The following AMZ1 variants were observed in gnomAD, a reference collection of about 807,000 sequenced individuals.
AMZ1 encodes archaemetzincin-1.
A neutral mutation model predicts 29.9 loss-of-function variants in AMZ1; 39 were observed. The observed-to-expected ratio is 1.30, with a 90% CI of 1.01 to 1.70. The LOEUF (loss-of-function observed/expected upper bound fraction) is 1.70. Among genes scored for constraint, AMZ1 ranks in the 40% most tolerant of loss-of-function variants. The probability of loss-of-function intolerance (pLI) is 0.00; values close to 1 mark genes in which losing one functional copy is unlikely to be tolerated. For synonymous variants in AMZ1, 458 were observed against 304.0 expected (o/e 1.51, Z -5.27); for missense variants, 1,041 against 680.6 (o/e 1.53, Z -5.89).
Position 2,712,496 on chromosome 7 carries a change from C to G in AMZ1, c.1115C>G (p.Ala372Gly). The change falls in exon 7 of 7, where the codon GCC becomes GGC. Residue 372 changes from alanine (A) to glycine (G), a missense_variant. Ala to Gly is a moderately conservative substitution (Grantham distance 60). Transcript: ENST00000683327. ...GTGTCGGAGCCCCTCACCCCTGATG[C>G]CGGGAGTCACACCTTCGCCTCGGGG... ...TSVSEPLTPDAGSHTFASGPE... is the reference protein window; with the variant it reads ...TSVSEPLTPDGGSHTFASGPE... 1 of 1,609,082 alleles carries G rather than the reference C, an allele frequency of 6.2e-7. No individual in the cohort carries two copies. Among genetic ancestry groups the G allele is most frequent in the South Asian group, 1.1e-5 (1 of 90,654 alleles).
chr7:2,681,754 C>T (rs1479683896), intron 1 of AMZ1, among the ~76,000 whole-genome samples: 4 of 152,128 alleles, frequency 2.6e-5, no homozygotes, highest in African/African-American at 9.7e-5. Flanking sequence ...TCCTGGGGCC[C>T]CTGACTACAC....
At chr7:2,760,949 C>G (rs1467254884), upstream of AMZ1, among the ~76,000 whole-genome samples, 4 of 152,230 alleles carry the variant, frequency 2.6e-5, no homozygotes, top group East Asian at 3.8e-4. Flanking sequence ...CCAGCTCCCC[C>G]TGTCCTTCCC....
rs1789144177 is a variant in AMZ1 at position 2,716,734 on chromosome 7, C to T, written c.*3856C>T. ...CCAAGGCCCACCTGGACAGGCAAGT[C>T]TTCCCTAGTGGGTCAGTCAACTCCA... On this transcript the variant is annotated 3_prime_UTR_variant, in exon 7 of 7. Transcript: ENST00000683327. Among the ~76,000 whole-genome samples the T allele has an allele frequency of 6.6e-6, 1 of 152,262 alleles. No individual in the cohort carries two copies. The highest frequency in any genetic ancestry group is 6.5e-5 in the Admixed American group (1 of 15,288).
chr7:2,701,865 C>G (rs73283151), intron 2 of AMZ1, among the ~76,000 whole-genome samples: 1 of 152,202 alleles, frequency 6.6e-6, no homozygotes, highest in African/African-American at 2.4e-5. Flanking sequence ...GCATCCACCA[C>G]CCCACAGCAG....
rs959825969 is a variant in AMZ1 at position 2,716,533 on chromosome 7, C to T, written c.*3655C>T. On this transcript the variant is annotated 3_prime_UTR_variant, in exon 7 of 7. Coordinates refer to ENST00000683327, the MANE Select transcript of AMZ1 (RefSeq NM_001384743.1). ...AAACATAAAATGGCTTAGTCAAGCA[C>T]GAGTGATAAAGCTGGGAGTCCAAAT... The T allele has an allele frequency of 3.3e-5, 5 of 152,182 alleles. No individual in the cohort carries two copies. Among genetic ancestry groups the T allele is most frequent in the East Asian group, 1.9e-4 (1 of 5,186 alleles). The allele number at this position is 152,182 out of a possible 1,614,324, so 9.4% of individuals were successfully genotyped here.
chr7:2,750,723 G>GAC (rs1484424921), intron 4 of AMZ1, among the ~76,000 whole-genome samples: 2 of 152,254 alleles, frequency 1.3e-5, no homozygotes, highest in East Asian at 1.9e-4. Flanking sequence ...CATGTTAACA[G>GAC]ACACACACAC....
intron 1 of AMZ1, among the ~76,000 whole-genome samples, chr7:2,691,004 G>A (rs769582794): frequency 1.1e-4 from 17 of 151,922 alleles, no homozygotes; most frequent in South Asian, 6.2e-4. Flanking sequence ...AGCCTGGCAT[G>A]GTGGCATGCG....
intron 4 of AMZ1, among the ~76,000 whole-genome samples, chr7:2,745,194 G>A (rs996967975): frequency 3.3e-5 from 5 of 152,034 alleles, no homozygotes; most frequent in Non-Finnish European, 7.4e-5. Context: ...CCTTGAGAAA[G>A]GCAACTCCAA....
chr7:2,725,368 A>G (rs1789576878), intron 4 of AMZ1, among the ~76,000 whole-genome samples: 1 of 152,228 alleles, frequency 6.6e-6, no homozygotes, highest in Non-Finnish European at 1.5e-5. Context: ...AGGGCGAAGG[A>G]TGCTTCCAGG....
In AMZ1 at chr7:2,716,931, G is replaced by A. The variant is rs912712313; in HGVS notation, c.*4053G>A. 6.6e-6 allele frequency among the ~76,000 whole-genome samples: 1 copy of A among 152,220 alleles called. No individual in the cohort carries two copies. The highest frequency in any genetic ancestry group is 2.4e-5 in the African/African-American group (1 of 41,462). ...CAGAGCGGAAGTTGAGGCGCAGTCTGTTCTTGCTTGAACCCCGAGTTCTCC... is the reference window on the plus strand; with the variant it reads ...CAGAGCGGAAGTTGAGGCGCAGTCTATTCTTGCTTGAACCCCGAGTTCTCC... On this transcript the variant is annotated 3_prime_UTR_variant, in exon 7 of 7. Coordinates refer to ENST00000683327, the MANE Select transcript of AMZ1 (RefSeq NM_001384743.1).
rs1030159049 is a variant in AMZ1, at chr7:2,680,332, A to G, written c.-219+661A>G. The stretch of plus-strand genomic sequence containing the variant: ...GACCTGCCTGGGTCTCCGGCCCCAC[A>G]GGCTCCCCGAGCCCTGCCAGGCTGG... On this transcript the variant is annotated intron_variant, in intron 1 of 6. Transcript: ENST00000312371. 2.4e-4 allele frequency among the ~76,000 whole-genome samples: 36 copies of G among 152,210 alleles called. 1 individual carries two copies. Among genetic ancestry groups the G allele is most frequent in the African/African-American group, 8.7e-4 (36 of 41,546 alleles).
At chr7:2,681,959 C>T (rs1270606858) in intron 1 of AMZ1, among the ~76,000 whole-genome samples, 5 of 152,056 alleles carry the variant, frequency 3.3e-5, no homozygotes. Context: ...GGAGCCCAAA[C>T]AGCGGAGGAG....
chr7:2,709,958 A>C, intron 6 of AMZ1, 142 bp downstream of exon 6: 1 of 1,180,180 alleles, frequency 8.5e-7, no homozygotes, highest in Non-Finnish European at 1.2e-6. Flanking sequence ...GAGCCCTGGG[A>C]CCTGCGCTGG....
At chr7:2,730,409 A>T (rs973811676) in intron 4 of AMZ1, 1 of 151,680 alleles carries the variant, frequency 6.6e-6, no homozygotes, top group Non-Finnish European at 1.5e-5. Context: ...ATCCTGTCTC[A>T]CTCCGTGTTG....
At chr7:2,701,839 G>A (rs1312840204) in intron 2 of AMZ1, among the ~76,000 whole-genome samples, 1 of 152,220 alleles carries the variant, frequency 6.6e-6, no homozygotes, top group African/African-American at 2.4e-5. Flanking sequence ...AATCCTGCGG[G>A]TGTCCGTTGG....
intron 4 of AMZ1, among the ~76,000 whole-genome samples, chr7:2,754,732 G>C (rs1020904376): frequency 6.6e-6 from 1 of 152,186 alleles, no homozygotes; most frequent in Non-Finnish European, 1.5e-5. Flanking sequence ...CCGAGCAACA[G>C]AGTGAGACCC....
At chr7:2,679,884 C>T (rs909069895) in intron 1 of AMZ1, among the ~76,000 whole-genome samples, 2 of 152,222 alleles carry the variant, frequency 1.3e-5, no homozygotes, top group Non-Finnish European at 2.9e-5. Flanking sequence ...GGAGCTTCAT[C>T]CTGGGGCTTC....
chr7:2,757,862 T>G (rs1268804607), intron 4 of AMZ1, among the ~76,000 whole-genome samples: 2 of 152,194 alleles, frequency 1.3e-5, no homozygotes, highest in Non-Finnish European at 2.9e-5. Flanking sequence ...ACTTTTTAAA[T>G]GGCAGCTTAA....
At chr7:2,736,260 G>A (rs7777770) in intron 4 of AMZ1, among the ~76,000 whole-genome samples, 23 of 152,278 alleles carry the variant, frequency 1.5e-4, no homozygotes, top group African/African-American at 5.5e-4. Context: ...TCCTCTCAAC[G>A]GCTGCTGCGG....
Sources: allele counts gnomAD v4.1 joint callset (sites outside exome capture counted in the v4.1 genomes callset), GRCh38; gene constraint gnomAD v4.1.1; transcripts MANE v1.5; gene names NCBI Gene and HGNC (gene_info 2026-07-23, HGNC 2026-07-21).